SMIM10L1: variants seen among roughly 807,000 people sequenced by gnomAD.
SMIM10L1 encodes the protein small integral membrane protein 10-like protein 1.
In SMIM10L1, 6 loss-of-function variants were observed where a neutral mutation model predicts 4.5. That is an observed-to-expected ratio of 1.33 (90% CI 0.73 to 2.62). The LOEUF is 2.62. SMIM10L1 is among the 30% of genes most tolerant of loss of function. The pLI is 0.00. For missense variants in SMIM10L1, 66 were observed against 86.2 expected, an observed-to-expected ratio of 0.77 and a Z score of 0.93; for synonymous variants, 49 against 42.2, an observed-to-expected ratio of 1.16 and a Z score of -0.63.
rs1202163098 is a variant in SMIM10L1, at chr12:11,172,032, A to G, written c.*469A>G. ...ATATTTCATCCCACAAGAGAAAACA[A>G]TAATAATCAGAAATTTTCGGTGAAA... On this transcript the variant is annotated 3_prime_UTR_variant, in exon 1 of 1. Transcript: ENST00000622602. The G allele has an allele frequency of 6.6e-6, 1 of 152,364 alleles. No homozygotes were observed. Among genetic ancestry groups the G allele is most frequent in the Non-Finnish European group, 1.5e-5 (1 of 68,132 alleles). 9.4% of individuals were successfully genotyped at this position (152,364 alleles called of 1,614,324 possible). A position where few individuals can be genotyped will look rare whatever the true frequency, so the allele number is the denominator to read the frequency against.
chr12:11,175,366 T>C lies in SMIM10L1; in HGVS notation c.*3803T>C, dbSNP rs1389397389. 2.0e-5 allele frequency: 3 copies of C among 152,220 alleles called. No homozygotes were observed. Among genetic ancestry groups the C allele is most frequent in the African/African-American group, 7.2e-5 (3 of 41,462 alleles). 9.4% of individuals were successfully genotyped at this position (152,220 alleles called of 1,614,324 possible). ...CCTAACTAAATTTTGTTAGAAAATC[T>C]TGCAGTTTGCTTTTAATGGGAGATC... On this transcript the variant is annotated 3_prime_UTR_variant, in exon 1 of 1. Coordinates refer to ENST00000622602, the MANE Select transcript of SMIM10L1 (RefSeq NM_001271592.2).
At position 11,173,890 on chromosome 12, in the gene SMIM10L1, T is replaced by A. The variant is rs571410620; in HGVS notation, c.*2327T>A. 6.6e-6 allele frequency: 1 copy of A among 151,652 alleles called. No individual in the cohort carries two copies. Among genetic ancestry groups the A allele is most frequent in the Non-Finnish European group, 1.5e-5 (1 of 67,902 alleles). 9.4% of individuals were successfully genotyped at this position (151,652 alleles called of 1,614,324 possible). The stretch of plus-strand genomic sequence containing the variant: ...TGTACTGTATATATACATATATATA[T>A]ACATACACATATATAAATTTAAGTA... On this transcript the variant is annotated 3_prime_UTR_variant, in exon 1 of 1. Coordinates refer to ENST00000622602, the MANE Select transcript of SMIM10L1 (RefSeq NM_001271592.2).
Position 11,171,230 on chromosome 12 carries a change from C to A in SMIM10L1, c.-127C>A. ...GCACTGCACCGAGCGGCGGCAGCGG[C>A]AAGCTTGGGTGTGAGCCCGGGAGCC... is the stretch of plus-strand genomic sequence containing the variant. On this transcript the variant is annotated 5_prime_UTR_variant, in exon 1 of 1. Transcript: ENST00000622602. 1 of 552,564 alleles carries A rather than the reference C, an allele frequency of 1.8e-6. No homozygotes were observed. The highest frequency in any genetic ancestry group is 3.5e-5 in the East Asian group (1 of 28,572). The allele number at this position is 552,564 out of a possible 1,614,324, so 34.2% of individuals were successfully genotyped here.
Position 11,171,504 on chromosome 12 carries a change from C to A in SMIM10L1, c.148C>A (p.Pro50Thr). 8.1e-7 allele frequency: 1 copy of A among 1,232,388 alleles called. No homozygotes were observed. The highest frequency in any genetic ancestry group is 3.2e-5 in the East Asian group (1 of 31,702). The allele number at this position is 1,232,388 out of a possible 1,614,324, so 76.3% of individuals were successfully genotyped here. A position where few individuals can be genotyped will look rare whatever the true frequency, so the allele number is the denominator to read the frequency against. The change falls in exon 1 of 1, where the codon CCG becomes ACG. Residue 50 changes from proline (P) to threonine (T), a missense_variant. Physicochemically the swap from Pro to Thr is conservative, Grantham distance 38. Coordinates refer to ENST00000622602, the MANE Select transcript of SMIM10L1 (RefSeq NM_001271592.2). The stretch of plus-strand genomic sequence containing the variant: ...GGCCTGGCAGCTGCGCATGAACTTC[C>A]CGTACTTCTACGTCGCGGGCTCGGT... ...ELAWQLRMNF[P>T]YFYVAGSVIL...
rs567055006 is a variant in SMIM10L1, at chr12:11,174,808, A to G, written c.*3245A>G. The G allele has an allele frequency of 2.6e-5, 4 of 152,602 alleles. No individual in the cohort carries two copies. Among genetic ancestry groups the G allele is most frequent in the African/African-American group, 7.2e-5 (3 of 41,542 alleles). 9.5% of individuals were successfully genotyped at this position (152,602 alleles called of 1,614,324 possible). On this transcript the variant is annotated 3_prime_UTR_variant, in exon 1 of 1. Coordinates refer to ENST00000622602, the MANE Select transcript of SMIM10L1 (RefSeq NM_001271592.2). ...TACCAGGAACTATGAAAAACTATTT[A>G]TATACATGAGCTCCGTAATTCTCAC...
In SMIM10L1 at chr12:11,172,764, A is replaced by C. The variant is rs1018579854; in HGVS notation, c.*1201A>C. On this transcript the variant is annotated 3_prime_UTR_variant, in exon 1 of 1. Coordinates refer to ENST00000622602, the MANE Select transcript of SMIM10L1 (RefSeq NM_001271592.2). ...AATTTTGAACGCTGAGAAAAATAAAAATTTAAAAACTACACTGTATACACG... is the reference window on the plus strand; with the variant it reads ...AATTTTGAACGCTGAGAAAAATAAACATTTAAAAACTACACTGTATACACG... The C allele has an allele frequency of 6.6e-6, 1 of 152,236 alleles. No individual in the cohort carries two copies. Among genetic ancestry groups the C allele is most frequent in the Non-Finnish European group, 1.5e-5 (1 of 68,048 alleles). 9.4% of individuals were successfully genotyped at this position (152,236 alleles called of 1,614,324 possible). A position where few individuals can be genotyped will look rare whatever the true frequency, so the allele number is the denominator to read the frequency against.
At position 11,171,428 on chromosome 12, in the gene SMIM10L1, C is replaced by G; in HGVS notation, c.72C>G (p.Tyr24Ter). Residue 24 changes from tyrosine (Y) to a stop codon, truncating the protein, a stop_gained, in exon 1 of 1, where the codon TAC becomes TAG. Transcript: ENST00000622602. LOFTEE classifies it high-confidence loss of function. Reference protein sequence around the residue: ...ASSPAATPTSYGVFCKGLSRT... With the variant: ...ASSPAATPTS ...GCCCCGCCGCGACACCCACCTCGTA[C>G]GGCGTCTTCTGCAAGGGGCTCTCCC... The G allele has an allele frequency of 8.1e-7, 1 of 1,231,812 alleles. No homozygotes were observed. The highest frequency in any genetic ancestry group is 1.0e-6 in the Non-Finnish European group (1 of 987,834). The allele number at this position is 1,231,812 out of a possible 1,614,324, so 76.3% of individuals were successfully genotyped here. A position where few individuals can be genotyped will look rare whatever the true frequency, so the allele number is the denominator to read the frequency against.
At position 11,174,933 on chromosome 12, in the gene SMIM10L1, C is replaced by T. The variant is rs867745418; in HGVS notation, c.*3370C>T. 1.3e-5 allele frequency: 2 copies of T among 152,414 alleles called. No individual in the cohort carries two copies. Among genetic ancestry groups the T allele is most frequent in the Non-Finnish European group, 2.9e-5 (2 of 67,994 alleles). 9.4% of individuals were successfully genotyped at this position (152,414 alleles called of 1,614,324 possible). On this transcript the variant is annotated 3_prime_UTR_variant, in exon 1 of 1. Coordinates refer to ENST00000622602, the MANE Select transcript of SMIM10L1 (RefSeq NM_001271592.2). ...CCTAAGGTCATGATAACCAACCAGA[C>T]CTCAAATGAATCTCCAGTAATTCCT...
chr12:11,171,390 G>A lies in SMIM10L1; in HGVS notation c.34G>A (p.Val12Ile), dbSNP rs775612513. The A allele has an allele frequency of 2.7e-5, 33 of 1,231,918 alleles. No homozygotes were observed. Among genetic ancestry groups the A allele is most frequent in the Non-Finnish European group, 3.0e-5 (30 of 987,932 alleles). 76.3% of individuals were successfully genotyped at this position (1,231,918 alleles called of 1,614,324 possible). A position where few individuals can be genotyped will look rare whatever the true frequency, so the allele number is the denominator to read the frequency against. Residue 12 changes from valine (V) to isoleucine (I), a missense_variant, in exon 1 of 1, where the codon GTC becomes ATC. Physicochemically the swap from Val to Ile is conservative, Grantham distance 29. Coordinates refer to ENST00000622602, the MANE Select transcript of SMIM10L1 (RefSeq NM_001271592.2). Reference sequence around the variant, plus strand: ...CGCGGCGGCTCCGTCCTCCTTGGCCGTCAGGGCCTCAAGCCCCGCCGCGAC... The same window carrying A: ...CGCGGCGGCTCCGTCCTCCTTGGCCATCAGGGCCTCAAGCCCCGCCGCGAC... ...APAAAPSSLAVRASSPAATPT... is the reference protein window; with the variant it reads ...APAAAPSSLAIRASSPAATPT...
Position 11,171,509 on chromosome 12 carries a change from C to G in SMIM10L1, c.153C>G (p.Tyr51Ter). ...GGCAGCTGCGCATGAACTTCCCGTA[C>G]TTCTACGTCGCGGGCTCGGTGATCC... ...LAWQLRMNFP[Y>*]FYVAGSVILN... Residue 51 changes from tyrosine (Y) to a stop codon, truncating the protein, a stop_gained, in exon 1 of 1, where the codon TAC becomes TAG. Transcript: ENST00000622602. LOFTEE classifies it high-confidence loss of function. The G allele has an allele frequency of 8.1e-7, 1 of 1,232,392 alleles. No individual in the cohort carries two copies. Among genetic ancestry groups the G allele is most frequent in the African/African-American group, 1.5e-5 (1 of 64,546 alleles). The allele number at this position is 1,232,392 out of a possible 1,614,324, so 76.3% of individuals were successfully genotyped here.
rs192032907 is a variant in SMIM10L1 at position 11,174,495 on chromosome 12, T to G, written c.*2932T>G. The G allele has an allele frequency of 3.0e-4, 46 of 152,074 alleles. No homozygotes were observed. Among genetic ancestry groups the G allele is most frequent in the African/African-American group, 1.1e-3 (46 of 41,496 alleles). 9.4% of individuals were successfully genotyped at this position (152,074 alleles called of 1,614,324 possible). A position where few individuals can be genotyped will look rare whatever the true frequency, so the allele number is the denominator to read the frequency against. On this transcript the variant is annotated 3_prime_UTR_variant, in exon 1 of 1. Transcript: ENST00000622602. ...GGCTTTTTCAGGCCATCATGCACGT[T>G]GATTGATCCAGAGATCCCTCAAGCA...
At position 11,171,620 on chromosome 12, in the gene SMIM10L1, C is replaced by T. The variant is rs1947850944; in HGVS notation, c.*57C>T. On this transcript the variant is annotated 3_prime_UTR_variant, in exon 1 of 1. Coordinates refer to ENST00000622602, the MANE Select transcript of SMIM10L1 (RefSeq NM_001271592.2). Reference sequence around the variant, plus strand: ...AGCATGATGGCCGACTCCCAGGGTCCGTTGCGGCGCGGCGGAGCAGCCAAT... The same window carrying T: ...AGCATGATGGCCGACTCCCAGGGTCTGTTGCGGCGCGGCGGAGCAGCCAAT... The T allele has an allele frequency of 4.2e-6, 5 of 1,179,478 alleles. No individual in the cohort carries two copies. The highest frequency in any genetic ancestry group is 5.3e-6 in the Non-Finnish European group (5 of 940,296). The allele number at this position is 1,179,478 out of a possible 1,614,324, so 73.1% of individuals were successfully genotyped here. A position where few individuals can be genotyped will look rare whatever the true frequency, so the allele number is the denominator to read the frequency against.
In SMIM10L1 at chr12:11,171,527, G is replaced by C; in HGVS notation, c.171G>C (p.Ser57=). 1 of 1,232,332 alleles carries C rather than the reference G, an allele frequency of 8.1e-7. No homozygotes were observed. Among genetic ancestry groups the C allele is most frequent in the Non-Finnish European group, 1.0e-6 (1 of 988,110 alleles). The allele number at this position is 1,232,332 out of a possible 1,614,324, so 76.3% of individuals were successfully genotyped here. ...MNFPYFYVAG[S]VILNIRLQVH... ...TCCCGTACTTCTACGTCGCGGGCTC[G>C]GTGATCCTCAACATCCGATTGCAGG... is the stretch of plus-strand genomic sequence containing the variant. Residue 57 remains serine (S), a synonymous_variant, in exon 1 of 1, where the codon TCG becomes TCC. Transcript: ENST00000622602.
Position 11,172,435 on chromosome 12 carries a change from T to C in SMIM10L1, c.*872T>C, listed in dbSNP as rs1212223618. 1 of 152,158 alleles carries C rather than the reference T, an allele frequency of 6.6e-6. No individual in the cohort carries two copies. The highest frequency in any genetic ancestry group is 1.5e-5 in the Non-Finnish European group (1 of 68,022). The allele number at this position is 152,158 out of a possible 1,614,324, so 9.4% of individuals were successfully genotyped here. On this transcript the variant is annotated 3_prime_UTR_variant, in exon 1 of 1. Coordinates refer to ENST00000622602, the MANE Select transcript of SMIM10L1 (RefSeq NM_001271592.2). ...AAATGGAATGGGGGTTATGTCCTTA[T>C]AAAGTGGAAACTTGAAAGGTACTGT...
In SMIM10L1 at chr12:11,174,581, CA is replaced by C. The variant is rs71055100; in HGVS notation, c.*3029del. 1.5e-3 allele frequency: 209 copies of C among 136,930 alleles called. 1 individual carries two copies. Among genetic ancestry groups the C allele is most frequent in the African/African-American group, 5.0e-3 (178 of 35,508 alleles). 8.5% of individuals were successfully genotyped at this position (136,930 alleles called of 1,614,324 possible). A position where few individuals can be genotyped will look rare whatever the true frequency, so the allele number is the denominator to read the frequency against. ...CAATAGAGATAAGAAATGTAGCTGG[CA>C]AAAAAAAAAATGGGAAACGATGCGT... On this transcript the variant is annotated 3_prime_UTR_variant, in exon 1 of 1. Coordinates refer to ENST00000622602, the MANE Select transcript of SMIM10L1 (RefSeq NM_001271592.2).
rs1947915273 is a variant in SMIM10L1, at chr12:11,174,215, ATTG to A, written c.*2657_*2659del. 1.3e-5 allele frequency: 2 copies of A among 152,210 alleles called. No individual in the cohort carries two copies. The highest frequency in any genetic ancestry group is 1.9e-4 in the East Asian group (1 of 5,180). 9.4% of individuals were successfully genotyped at this position (152,210 alleles called of 1,614,324 possible). A position where few individuals can be genotyped will look rare whatever the true frequency, so the allele number is the denominator to read the frequency against. On this transcript the variant is annotated 3_prime_UTR_variant, in exon 1 of 1. Transcript: ENST00000622602. ...AGATTTTGACCTGAATAAACCACTT[ATTG>A]TTGTAATTCACAAGTGAGTTTATTC...
At position 11,171,587 on chromosome 12, in the gene SMIM10L1, C is replaced by T. The variant is rs1476320673; in HGVS notation, c.*24C>T. The T allele has an allele frequency of 4.9e-6, 6 of 1,228,928 alleles. No homozygotes were observed. The highest frequency in any genetic ancestry group is 3.1e-4 in the Middle Eastern group (1 of 3,222). The allele number at this position is 1,228,928 out of a possible 1,614,324, so 76.1% of individuals were successfully genotyped here. A position where few individuals can be genotyped will look rare whatever the true frequency, so the allele number is the denominator to read the frequency against. ...AGAGCCATGACTAAGCTAACGGCCT[C>T]CGGGGCCAGCATGATGGCCGACTCC... On this transcript the variant is annotated 3_prime_UTR_variant, in exon 1 of 1. Transcript: ENST00000622602.
At position 11,174,339 on chromosome 12, in the gene SMIM10L1, G is replaced by T. The variant is rs1947916864; in HGVS notation, c.*2776G>T. The T allele has an allele frequency of 6.6e-6, 1 of 152,154 alleles. No individual in the cohort carries two copies. Among genetic ancestry groups the T allele is most frequent in the Non-Finnish European group, 1.5e-5 (1 of 68,002 alleles). 9.4% of individuals were successfully genotyped at this position (152,154 alleles called of 1,614,324 possible). On this transcript the variant is annotated 3_prime_UTR_variant, in exon 1 of 1. Coordinates refer to ENST00000622602, the MANE Select transcript of SMIM10L1 (RefSeq NM_001271592.2). ...CTAGAGCACTGCCCAGTGCGGAATA[G>T]CTAATAAATATTGTTGAATGGATAG...
chr12:11,172,155 T>C lies in SMIM10L1; in HGVS notation c.*592T>C, dbSNP rs1304968699. On this transcript the variant is annotated 3_prime_UTR_variant, in exon 1 of 1. Transcript: ENST00000622602. ...GGCGAGAGTGTAAGAAAATGGGCTCTACTTCAGTGATCCTGTGGCAGGACG... is the reference window on the plus strand; with the variant it reads ...GGCGAGAGTGTAAGAAAATGGGCTCCACTTCAGTGATCCTGTGGCAGGACG... The C allele has an allele frequency of 6.6e-6, 1 of 152,234 alleles. No individual in the cohort carries two copies. The highest frequency in any genetic ancestry group is 1.5e-5 in the Non-Finnish European group (1 of 68,038). 9.4% of individuals were successfully genotyped at this position (152,234 alleles called of 1,614,324 possible).
Sources: allele counts gnomAD v4.1 joint callset, GRCh38; gene constraint gnomAD v4.1.1; transcripts MANE v1.5; gene names NCBI Gene and HGNC (gene_info 2026-07-23, HGNC 2026-07-21).